DPYD: variants seen among roughly 807,000 people sequenced by gnomAD.
The protein encoded by DPYD is dihydropyrimidine dehydrogenase [NADP(+)].
In DPYD, 109 loss-of-function variants were observed where a neutral mutation model predicts 116.2. The ratio of observed to expected loss-of-function variants is 0.94; its 90% CI spans 0.80 to 1.10. The LOEUF is 1.10. DPYD is among the 50% of genes least tolerant of loss of function. The probability of loss-of-function intolerance (pLI) is 0.00; values close to 1 mark genes in which losing one functional copy is unlikely to be tolerated. For synonymous variants in DPYD, 440 were observed against 432.0 expected (o/e 1.02, Z -0.23); for missense variants, 1,302 against 1,254.5 (o/e 1.04, Z -0.57).
At chr1:97,597,285 C>T (rs111776513) in intron 8 of DPYD, among the ~76,000 whole-genome samples, 6 of 152,308 alleles carry the variant, frequency 3.9e-5, no homozygotes, top group African/African-American at 1.2e-4. Context: ...GAGCCCTCCT[C>T]CTCTACCTGG....
At chr1:97,466,969 G>T (rs1453846199) in intron 13 of DPYD, among the ~76,000 whole-genome samples, 1 of 152,076 alleles carries the variant, frequency 6.6e-6, no homozygotes, top group Non-Finnish European at 1.5e-5. Flanking sequence ...GCCCAAGCAT[G>T]GAAATAAAGG....
At chr1:97,156,274 G>T (rs2101731566) in intron 20 of DPYD, among the ~76,000 whole-genome samples, 1 of 152,132 alleles carries the variant, frequency 6.6e-6, no homozygotes, top group South Asian at 2.1e-4. Flanking sequence ...GTTCCATTCT[G>T]ATAGAAAAAT....
chr1:97,638,734 C>A (rs1538120), intron 8 of DPYD, among the ~76,000 whole-genome samples: 1 of 152,042 alleles, frequency 6.6e-6, no homozygotes. Context: ...GTATGTCACA[C>A]GGTGAGAGAG....
chr1:97,838,764 G>C (rs1033706757), intron 2 of DPYD, among the ~76,000 whole-genome samples: 1 of 152,138 alleles, frequency 6.6e-6, no homozygotes, highest in Non-Finnish European at 1.5e-5. Context: ...AGAATGGCGT[G>C]AACCCGGGAG....
intron 7 of DPYD, among the ~76,000 whole-genome samples, 194 bp from the exon 8 acceptor site, chr1:97,679,376 T>C (rs1262103970): frequency 2.0e-5 from 3 of 152,190 alleles, no homozygotes; most frequent in African/African-American, 4.8e-5. Flanking sequence ...GAACATGTTC[T>C]ATTAAGGGCT....
At chr1:97,612,542 A>T (rs1473410548) in intron 8 of DPYD, among the ~76,000 whole-genome samples, 3 of 152,066 alleles carry the variant, frequency 2.0e-5, no homozygotes, top group Non-Finnish European at 4.4e-5. Flanking sequence ...AATTATTAAC[A>T]TATAGAAACA....
chr1:97,101,581 T>A (rs1044318517), intron 20 of DPYD, among the ~76,000 whole-genome samples: 2 of 150,328 alleles, frequency 1.3e-5, no homozygotes, highest in South Asian at 4.2e-4. Flanking sequence ...GTGTGTGCAA[T>A]CAGTGATGAT....
intron 12 of DPYD, among the ~76,000 whole-genome samples, chr1:97,519,512 C>A (rs1390565302): frequency 3.3e-5 from 5 of 152,050 alleles, no homozygotes; most frequent in Admixed American, 3.3e-4. Context: ...TACTCTAAAA[C>A]CCATTAAGTG....
chr1:97,701,289 C>T (rs1661584946), intron 5 of DPYD, among the ~76,000 whole-genome samples: 1 of 149,752 alleles, frequency 6.7e-6, no homozygotes, highest in South Asian at 2.1e-4. Context: ...CATTTCATAG[C>T]AAGGAAATGG....
chr1:97,607,392 GA>G (rs973904657), intron 8 of DPYD, among the ~76,000 whole-genome samples: 2 of 151,846 alleles, frequency 1.3e-5, no homozygotes, highest in African/African-American at 4.8e-5. Flanking sequence ...TATAGTGGAA[GA>G]GGGGCAGATT....
intron 3 of DPYD, among the ~76,000 whole-genome samples, chr1:97,786,621 G>A (rs1181520769): frequency 1.3e-5 from 2 of 152,136 alleles, no homozygotes; most frequent in Non-Finnish European, 2.9e-5. Context: ...CATTTTATTA[G>A]CTTGTCTCTG....
chr1:97,278,329 T>C (rs1665089732), intron 18 of DPYD, among the ~76,000 whole-genome samples: 1 of 152,214 alleles, frequency 6.6e-6, no homozygotes, highest in Non-Finnish European at 1.5e-5. Context: ...GTGTTTTTGA[T>C]AATCTAATTT....
At chr1:97,200,513 G>A (rs1421768613) in intron 19 of DPYD, among the ~76,000 whole-genome samples, 2 of 152,060 alleles carry the variant, frequency 1.3e-5, no homozygotes, top group Non-Finnish European at 2.9e-5. Flanking sequence ...AATAAGAAGG[G>A]TTGTTCATCC....
In DPYD at chr1:97,289,223, A is replaced by T. The variant is rs1367489381; in HGVS notation, c.2299+16036T>A. ...GCTTACCAACCAAAAAGAGTCCAGG[A>T]CCAGATGGATTCACAGCCGAATTCT... is the stretch of plus-strand genomic sequence containing the variant. On this transcript the variant is annotated intron_variant, in intron 18 of 22. Coordinates refer to ENST00000370192, the MANE Select transcript of DPYD (RefSeq NM_000110.4). 2.0e-5 allele frequency among the ~76,000 whole-genome samples: 3 copies of T among 152,096 alleles called. No individual in the cohort carries two copies. The East Asian group carries it at 5.8e-4, about 29-fold the overall frequency.
rs550287173 is a variant in DPYD, at chr1:97,908,745, T to C, written c.39+12139A>G. 3.3e-5 allele frequency among the ~76,000 whole-genome samples: 5 copies of C among 152,232 alleles called. No homozygotes were observed. In the South Asian group the frequency reaches 8.3e-4, roughly 25 times the overall value. On this transcript the variant is annotated intron_variant, in intron 1 of 22. Coordinates refer to ENST00000370192, the MANE Select transcript of DPYD (RefSeq NM_000110.4). Reference sequence around the variant, plus strand: ...ACAACATTCCACTTTCCAAGAATTATCTGACCTTCCTGAAACCATCAATCC... The same window carrying C: ...ACAACATTCCACTTTCCAAGAATTACCTGACCTTCCTGAAACCATCAATCC...
Position 97,921,014 on chromosome 1 carries a change from C to G in DPYD, c.-92G>C, listed in dbSNP as rs551486678. On this transcript the variant is annotated 5_prime_UTR_variant, in exon 1 of 23. Coordinates refer to ENST00000370192, the MANE Select transcript of DPYD (RefSeq NM_000110.4). ...GAGCCAAGTGACAGCAGCCGGAGCGCGAGTCGAAAACAGGCAGACTAGGGC... is the reference window on the plus strand; with the variant it reads ...GAGCCAAGTGACAGCAGCCGGAGCGGGAGTCGAAAACAGGCAGACTAGGGC... 1 of 1,510,382 alleles carries G rather than the reference C, an allele frequency of 6.6e-7. No homozygotes were observed. The highest frequency in any genetic ancestry group is 9.0e-7 in the Non-Finnish European group (1 of 1,112,424). The allele number at this position is 1,510,382 out of a possible 1,614,324, so 93.6% of individuals were successfully genotyped here. A position where few individuals can be genotyped will look rare whatever the true frequency, so the allele number is the denominator to read the frequency against.
At chr1:97,652,184 A>G (rs1466154468) in intron 8 of DPYD, among the ~76,000 whole-genome samples, 1 of 152,174 alleles carries the variant, frequency 6.6e-6, no homozygotes, top group South Asian at 2.1e-4. Context: ...TTACTGCCTT[A>G]AAAACAGCTC....
At chr1:97,280,940 T>A (rs1665283257) in intron 18 of DPYD, among the ~76,000 whole-genome samples, 1 of 152,124 alleles carries the variant, frequency 6.6e-6, no homozygotes, top group Non-Finnish European at 1.5e-5. Flanking sequence ...ATATGGTAAT[T>A]ACCCCGATTT....
chr1:97,291,920 T>C (rs1666205981), intron 18 of DPYD, among the ~76,000 whole-genome samples: 2 of 152,144 alleles, frequency 1.3e-5, no homozygotes, highest in South Asian at 4.1e-4. Context: ...CTGACTAAAT[T>C]TAACCTACCA....
Sources: gnomAD v4.1 joint callset for allele counts (sites outside exome capture counted in the v4.1 genomes callset) on GRCh38, gnomAD v4.1.1 for gene constraint, MANE v1.5 for transcripts, NCBI Gene and HGNC (gene_info 2026-07-23, HGNC 2026-07-21) for gene names.